CRIM1: variants seen among roughly 807,000 people sequenced by gnomAD.
CRIM1 encodes cysteine-rich motor neuron 1 protein.
A neutral mutation model predicts 116.4 loss-of-function variants in CRIM1; 32 were observed. The observed-to-expected ratio is 0.27, with a 90% CI of 0.21 to 0.37. The LOEUF is 0.37. Ranked by LOEUF, CRIM1 falls within the 10% of genes least tolerant of loss-of-function variation. The pLI, the probability that CRIM1 is intolerant of heterozygous loss-of-function variation, is 1.00. For missense variants in CRIM1, 1,331 were observed against 1,354.8 expected, an observed-to-expected ratio of 0.98 and a Z score of 0.28; for synonymous variants, 590 against 509.2, an observed-to-expected ratio of 1.16 and a Z score of -2.13.
At chr2:36,392,058 T>C (rs1350600710) in intron 1 of CRIM1, among the ~76,000 whole-genome samples, 1 of 152,164 alleles carries the variant, frequency 6.6e-6, no homozygotes, top group Non-Finnish European at 1.5e-5. Context: ...GAAATACACA[T>C]AAAGTAATTC....
intron 11 of CRIM1, among the ~76,000 whole-genome samples, chr2:36,516,894 A>T (rs896967114): frequency 2.2e-4 from 34 of 152,196 alleles, no homozygotes; most frequent in Non-Finnish European, 2.9e-5. Context: ...AAATAAGGTG[A>T]CTGTAAGGAA....
intron 13 of CRIM1, chr2:36,532,146 T>G: frequency 2.8e-6 from 1 of 363,070 alleles, no homozygotes; most frequent in East Asian, 7.5e-5. Context: ...ACCATCTTCT[T>G]TGCACGTTTC....
intron 2 of CRIM1, among the ~76,000 whole-genome samples, chr2:36,398,885 C>T (rs1336526332): frequency 4.6e-5 from 7 of 152,044 alleles, no homozygotes; most frequent in African/African-American, 1.7e-4. Flanking sequence ...ATAGTCACGT[C>T]GTTAATAGTG....
chr2:36,390,479 C>A (rs962546760), intron 1 of CRIM1, among the ~76,000 whole-genome samples: 4 of 152,174 alleles, frequency 2.6e-5, no homozygotes, highest in Non-Finnish European at 4.4e-5. Flanking sequence ...CCTTTCAGGG[C>A]ACGGGGTGTT....
At chr2:36,385,807 G>A (rs1250126543) in intron 1 of CRIM1, among the ~76,000 whole-genome samples, 1 of 152,172 alleles carries the variant, frequency 6.6e-6, no homozygotes, top group African/African-American at 2.4e-5. Context: ...TTTAGACCTA[G>A]GTTGCTCAGC....
chr2:36,412,412 A>G (rs1405642218), intron 2 of CRIM1, among the ~76,000 whole-genome samples: 2 of 152,198 alleles, frequency 1.3e-5, no homozygotes, highest in African/African-American at 2.4e-5. Context: ...AGAAGCCTCC[A>G]TATTTGGCCA....
At chr2:36,456,086 C>T (rs1677109822) in intron 4 of CRIM1, among the ~76,000 whole-genome samples, 1 of 152,076 alleles carries the variant, frequency 6.6e-6, no homozygotes, top group South Asian at 2.1e-4. Context: ...GCAATGGAGG[C>T]TTTGCTCAGA....
At chr2:36,510,855 T>C (rs1336941576) in intron 9 of CRIM1, among the ~76,000 whole-genome samples, 1 of 152,118 alleles carries the variant, frequency 6.6e-6, no homozygotes, top group Non-Finnish European at 1.5e-5. Context: ...TTTTTCCCTT[T>C]GCTGTCTTTC....
chr2:36,406,617 A>ACCCCCCC (rs1370550722), intron 2 of CRIM1, among the ~76,000 whole-genome samples: 2 of 46,470 alleles, frequency 4.3e-5, no homozygotes, highest in African/African-American at 9.2e-5. Context: ...CTAATATTTG[A>ACCCCCCC]CCCCTCCCCC....
intron 9 of CRIM1, among the ~76,000 whole-genome samples, chr2:36,510,571 C>T (rs1664597262): frequency 6.6e-6 from 1 of 152,180 alleles, no homozygotes; most frequent in African/African-American, 2.4e-5. Context: ...TACAGTGCAT[C>T]CTTAGCTGCC....
At chr2:36,457,459 C>CCG (rs531412652) in intron 4 of CRIM1, among the ~76,000 whole-genome samples, 2 of 152,052 alleles carry the variant, frequency 1.3e-5, no homozygotes, top group African/African-American at 4.8e-5. Flanking sequence ...GGGATGGCTG[C>CCG]GGGGGGAGAG....
rs1004894803 is a variant in CRIM1 at position 36,442,712 on chromosome 2, T to C, written c.846T>C (p.Asp282=). 1 of 1,614,086 alleles carries C rather than the reference T, an allele frequency of 6.2e-7. No homozygotes were observed. The highest frequency in any genetic ancestry group is 8.5e-7 in the Non-Finnish European group (1 of 1,180,030). The part of the protein sequence containing the change: ...SYETQVRLTA[D]GCCTLPTRCE... ...AAACTCAAGTCAGACTAACTGCAGATGGTTGCTGTACTTTGCCAACAAGGT... is the reference window on the plus strand; with the variant it reads ...AAACTCAAGTCAGACTAACTGCAGACGGTTGCTGTACTTTGCCAACAAGGT... Residue 282 remains aspartate (D), a synonymous_variant, in exon 4 of 17, where the codon GAT becomes GAC. Coordinates refer to ENST00000280527, the MANE Select transcript of CRIM1 (RefSeq NM_016441.3).
At chr2:36,543,416 A>G (rs566368128) in intron 14 of CRIM1, among the ~76,000 whole-genome samples, 8 of 152,332 alleles carry the variant, frequency 5.3e-5, no homozygotes, top group African/African-American at 1.9e-4. Context: ...ATTTTAATTT[A>G]TATACTTATA....
Position 36,448,697 on chromosome 2 carries a change from AC to A in CRIM1, c.869+5963del, listed in dbSNP as rs1287517517. ...TTTATTTTTATGAAATTTGTCCCAA[AC>A]TTTTTGTTCTAAAAGTTCTGTTATC... On this transcript the variant is annotated intron_variant, in intron 4 of 16. Transcript: ENST00000280527. Among the ~76,000 whole-genome samples, 8 of 151,762 alleles carry A rather than the reference AC, an allele frequency of 5.3e-5. No homozygotes were observed. In the South Asian group the frequency reaches 1.3e-3, roughly 24 times the overall value.
At chr2:36,420,062 G>A (rs1393236794) in intron 2 of CRIM1, among the ~76,000 whole-genome samples, 1 of 152,096 alleles carries the variant, frequency 6.6e-6, no homozygotes, top group Non-Finnish European at 1.5e-5. Context: ...TTGTGTTTGA[G>A]CCCTTAACTC....
chr2:36,468,460 T>C (rs1413773050), intron 5 of CRIM1, among the ~76,000 whole-genome samples: 1 of 152,202 alleles, frequency 6.6e-6, no homozygotes, highest in Non-Finnish European at 1.5e-5. Context: ...CTGCATTCTC[T>C]GACAAGCGCC....
intron 11 of CRIM1, among the ~76,000 whole-genome samples, chr2:36,515,595 G>A (rs1439110347): frequency 6.6e-6 from 1 of 152,104 alleles, no homozygotes; most frequent in Admixed American, 6.5e-5. Flanking sequence ...AGTATCTCCC[G>A]AACTCTTCTA....
At position 36,539,331 on chromosome 2, in the gene CRIM1, G is replaced by A. The variant is rs527352114; in HGVS notation, c.2623+1785G>A. Among the ~76,000 whole-genome samples the A allele has an allele frequency of 2.0e-5, 3 of 152,344 alleles. No individual in the cohort carries two copies. In the South Asian group the frequency reaches 6.2e-4, roughly 32 times the overall value. ...ACGTGCTGTGCGTGTTCAAGGTAGA[G>A]CAGTGTTCAAGGTGCATGTTCAGGA... On this transcript the variant is annotated intron_variant, in intron 14 of 16. Transcript: ENST00000280527.
At chr2:36,472,052 A>G (rs1355901025) in intron 5 of CRIM1, among the ~76,000 whole-genome samples, 1 of 152,218 alleles carries the variant, frequency 6.6e-6, no homozygotes, top group Admixed American at 6.5e-5. Context: ...AAGTATATTC[A>G]AGAAGGAAGG....
Sources: allele counts gnomAD v4.1 joint callset (sites outside exome capture counted in the v4.1 genomes callset), GRCh38; gene constraint gnomAD v4.1.1; transcripts MANE v1.5; gene names NCBI Gene and HGNC (gene_info 2026-07-23, HGNC 2026-07-21).